TNS1: variants seen among roughly 807,000 people sequenced by gnomAD.
TNS1 encodes the protein tensin-1.
TNS1 carries 62 observed loss-of-function variants against 168.6 expected under a neutral mutation model. The observed-to-expected ratio is 0.37, with a 90% CI of 0.30 to 0.45. The LOEUF is 0.45. Among genes scored for constraint, TNS1 ranks in the 20% least tolerant of loss-of-function variants. The probability of loss-of-function intolerance (pLI) is 1.00; values close to 1 mark genes in which losing one functional copy is unlikely to be tolerated. For missense variants in TNS1, 2,240 were observed against 2,339.4 expected (o/e 0.96, Z 0.88); for synonymous variants, 934 against 933.2 (o/e 1.00, Z -0.02).
Position 217,847,758 on chromosome 2 carries a change from G to A in TNS1, c.2759C>T (p.Pro920Leu). The A allele has an allele frequency of 6.2e-7, 1 of 1,609,054 alleles. No individual in the cohort carries two copies. The highest frequency in any genetic ancestry group is 8.5e-7 in the Non-Finnish European group (1 of 1,176,048). ...AGCCAAACATGGCTGATAGTCATAA[G>A]GTGAGTAAGACCTGCCAGGAGGGAC... ...ESVPPGRSYSPYDYQPCLAGP... is the reference protein window; with the variant it reads ...ESVPPGRSYSLYDYQPCLAGP... The change falls in exon 19 of 33, where the codon CCT becomes CTT. Residue 920 changes from proline to leucine, a missense_variant. Transcript: ENST00000682258.
intron 19 of TNS1, among the ~76,000 whole-genome samples, chr2:217,838,375 CATCCGTAGAGAATGTGAG>C (rs1332025832): frequency 4.6e-5 from 7 of 152,266 alleles, no homozygotes; most frequent in Admixed American, 6.5e-5. Flanking sequence ...GGGCACCTGA[CATCCGTAGAGAATGTGAG>C]ATCCTGGCAT....
chr2:217,921,657 G>A (rs1215649706), intron 3 of TNS1, among the ~76,000 whole-genome samples: 10 of 152,224 alleles, frequency 6.6e-5, no homozygotes, highest in Admixed American at 4.6e-4. Flanking sequence ...CTCCAGCAAA[G>A]AGGCCCAAAT....
intron 1 of TNS1, among the ~76,000 whole-genome samples, chr2:218,029,894 A>T (rs923618846): frequency 4.6e-5 from 7 of 152,170 alleles, no homozygotes; most frequent in Admixed American, 4.6e-4. Flanking sequence ...TGTTTAGGAA[A>T]TATTTCAACA....
chr2:217,887,456 G>A (rs901749563), intron 12 of TNS1, among the ~76,000 whole-genome samples: 1 of 152,144 alleles, frequency 6.6e-6, no homozygotes, highest in Non-Finnish European at 1.5e-5. Flanking sequence ...TTACAGGCAT[G>A]CGCCACCATG....
intron 23 of TNS1, among the ~76,000 whole-genome samples, chr2:217,818,964 T>A (rs1942390812): frequency 6.6e-6 from 1 of 152,208 alleles, no homozygotes; most frequent in South Asian, 2.1e-4. Context: ...AGCAGTAGGC[T>A]TAGTACCACA....
upstream of TNS1, among the ~76,000 whole-genome samples, chr2:218,006,772 T>C (rs547309062): frequency 3.9e-5 from 6 of 152,220 alleles, no homozygotes; most frequent in African/African-American, 1.4e-4. Flanking sequence ...CCATATTTTA[T>C]ATAAAATATT....
chr2:217,813,846 G>A lies in TNS1; in HGVS notation c.4730-30C>T, dbSNP rs753209342. The A allele has an allele frequency of 5.1e-6, 8 of 1,567,618 alleles. No individual in the cohort carries two copies. In the East Asian group the frequency reaches 9.2e-5, roughly 18 times the overall value. ...ATGGGGAAGGGACAAGGAGAGAGGA[G>A]GAAGCAAGACCTCGGTGGCGCTAGT... On this transcript the variant is annotated intron_variant, in intron 25 of 32. Transcript: ENST00000682258. This position sits in a 1 kb window ranked among gnomAD's most constrained non-coding sequence, Gnocchi z 4.0.
upstream of TNS1, among the ~76,000 whole-genome samples, chr2:218,007,196 A>C (rs1958666024): frequency 6.6e-6 from 1 of 152,120 alleles, no homozygotes. Flanking sequence ...TCTACACCAA[A>C]GCACTCAGCT....
chr2:217,952,774 G>C (rs1187913729), intron 3 of TNS1, among the ~76,000 whole-genome samples: 1 of 152,160 alleles, frequency 6.6e-6, no homozygotes, highest in Non-Finnish European at 1.5e-5. Flanking sequence ...ATGGATCCTG[G>C]TCTCATGGAT....
At chr2:217,830,263 T>A (rs922796376) in intron 22 of TNS1, 24 of 1,431,748 alleles carry the variant, frequency 1.7e-5, no homozygotes, top group Non-Finnish European at 2.2e-5. Flanking sequence ...CTTCTACTGA[T>A]CCCCCGTGGC....
At chr2:218,027,096 C>T (rs1323260998) in intron 1 of TNS1, among the ~76,000 whole-genome samples, 1 of 151,960 alleles carries the variant, frequency 6.6e-6, no homozygotes, top group African/African-American at 2.4e-5. Context: ...ATACCTGTAC[C>T]GCACCCCACC....
intron 6 of TNS1, chr2:217,903,678 T>C: frequency 7.3e-7 from 1 of 1,360,620 alleles, no homozygotes; most frequent in Non-Finnish European, 1.0e-6. Context: ...CAGAGTGTCT[T>C]ACTTTTCTCA....
intron 23 of TNS1, among the ~76,000 whole-genome samples, chr2:217,820,605 G>C (rs1304059332): frequency 6.6e-6 from 1 of 152,160 alleles, no homozygotes; most frequent in African/African-American, 2.4e-5. Flanking sequence ...GAGGGCAGTG[G>C]GCACGGCGAA....
chr2:217,883,431 A>AT (rs1309840894), intron 16 of TNS1, among the ~76,000 whole-genome samples: 1 of 151,870 alleles, frequency 6.6e-6, no homozygotes, highest in East Asian at 2.0e-4. Flanking sequence ...TGCCCGGCTA[A>AT]TTTTTTTATT....
chr2:217,917,961 G>A (rs542618558), intron 4 of TNS1, among the ~76,000 whole-genome samples: 30 of 152,126 alleles, frequency 2.0e-4, no homozygotes, highest in African/African-American at 6.7e-4. Context: ...GAACCAGCAG[G>A]AAGGCCGGGC....
In TNS1 at chr2:217,957,062, G is replaced by T. The variant is rs1957383011; in HGVS notation, c.186+21703C>A. Among the ~76,000 whole-genome samples, 5 of 152,324 alleles carry T rather than the reference G, an allele frequency of 3.3e-5. No individual in the cohort carries two copies. In the South Asian group the frequency reaches 1.0e-3, roughly 32 times the overall value. On this transcript the variant is annotated intron_variant, in intron 3 of 32. Coordinates refer to ENST00000682258, the MANE Select transcript of TNS1 (RefSeq NM_001387777.1). ...CTAGCAATGAAAGCACAGGCTGGGG[G>T]CACGAGGAGTAGGACCACGGTATGG... is the stretch of plus-strand genomic sequence containing the variant.
intron 18 of TNS1, among the ~76,000 whole-genome samples, chr2:217,870,543 G>A (rs571199478): frequency 1.3e-5 from 2 of 152,186 alleles, no homozygotes; most frequent in Non-Finnish European, 2.9e-5. Flanking sequence ...TACAGGTCTG[G>A]CAGGAGAGGA....
chr2:217,818,716 C>G lies in TNS1; in HGVS notation c.3616G>C (p.Gly1206Arg), dbSNP rs770021903. 3 of 1,613,966 alleles carry G rather than the reference C, an allele frequency of 1.9e-6. No individual in the cohort carries two copies. The highest frequency in any genetic ancestry group is 2.7e-5 in the African/African-American group (2 of 75,064). The change falls in exon 24 of 33, where the codon GGT becomes CGT. Residue 1206 changes from glycine (G) to arginine (R), a missense_variant. Gly to Arg is a moderately radical substitution (Grantham distance 125). Coordinates refer to ENST00000682258, the MANE Select transcript of TNS1 (RefSeq NM_001387777.1). ...AGAGGCTGGGTGGGCGTCCGGGGAC[C>G]CTGGTCACTGCTCTCTCCCGACGGG... ...SFPSGESSDQ[G>R]PRTPTQPLLE...
rs138520556 is a variant in TNS1, at chr2:217,948,647, A to T, written c.187-28411T>A. On this transcript the variant is annotated intron_variant, in intron 3 of 32. Transcript: ENST00000682258. The surrounding 1 kb of genome is among the most constrained non-coding windows in gnomAD (Gnocchi z 4.1). ...CTCCTCACTAGGGCTCACTCCAGAG[A>T]TGACCCCAGAAGCCACATTCACGCT... Among the ~76,000 whole-genome samples the T allele has an allele frequency of 6.0e-3, 909 of 152,226 alleles. 9 individuals carry two copies. The highest frequency in any genetic ancestry group is 0.021 in the African/African-American group (875 of 41,544).
Sources: allele counts gnomAD v4.1 joint callset (sites outside exome capture counted in the v4.1 genomes callset), GRCh38; gene constraint gnomAD v4.1.1; non-coding constraint Gnocchi (gnomAD v3.1); transcripts MANE v1.5; gene names NCBI Gene and HGNC (gene_info 2026-07-23, HGNC 2026-07-21).